The following LOC122539214 variants were observed in gnomAD, a reference collection of about 807,000 sequenced individuals.
chr19:52,657,846 T>TAA, the LOC122539214 span, among the ~76,000 whole-genome samples: 1 of 139,234 alleles, frequency 7.2e-6, no homozygotes. Context: ...AAACTCTGTC[T>TAA]AAAAAAAAAA....
chr19:52,684,134 C>A, the LOC122539214 span, among the ~76,000 whole-genome samples: 1 of 152,060 alleles, frequency 6.6e-6, no homozygotes, highest in East Asian at 1.9e-4. Flanking sequence ...TCTGGGAGGC[C>A]GAGGCTGGTG....
At chr19:52,663,043 G>A in the LOC122539214 span, among the ~76,000 whole-genome samples, 1 of 152,042 alleles carries the variant, frequency 6.6e-6, no homozygotes, top group East Asian at 1.9e-4. Flanking sequence ...TGCATCTGTG[G>A]TCCCAGCTAT....
the LOC122539214 span, among the ~76,000 whole-genome samples, chr19:52,664,325 G>A: frequency 2.6e-5 from 4 of 151,940 alleles, no homozygotes; most frequent in East Asian, 3.9e-4. Flanking sequence ...GAGAAAGCCC[G>A]TCTCTATGAG....
the LOC122539214 span, among the ~76,000 whole-genome samples, chr19:52,656,763 G>T: frequency 2.0e-5 from 3 of 151,558 alleles, no homozygotes; most frequent in African/African-American, 7.3e-5. Context: ...CTACTCAGGA[G>T]GCTGAGGCAG....
chr19:52,666,280 G>C, the LOC122539214 span, among the ~76,000 whole-genome samples: 2 of 151,940 alleles, frequency 1.3e-5, no homozygotes, highest in Non-Finnish European at 1.5e-5. Flanking sequence ...AAAAGAGAGA[G>C]AGAGAGTAGT....
chr19:52,658,111 C>T, the LOC122539214 span, among the ~76,000 whole-genome samples: 3 of 146,148 alleles, frequency 2.1e-5, no homozygotes, highest in Admixed American at 2.1e-4. Context: ...ACTCCACCCT[C>T]GGCAACCAGA....
chr19:52,655,450 A>G, the LOC122539214 span: 3 of 1,000,870 alleles, frequency 3.0e-6, no homozygotes, highest in South Asian at 2.9e-5. Context: ...AAACAATGAC[A>G]TGTACATCAA....
the LOC122539214 span, among the ~76,000 whole-genome samples, chr19:52,686,332 T>C: frequency 2.6e-5 from 4 of 151,844 alleles, no homozygotes; most frequent in Non-Finnish European, 5.9e-5. Flanking sequence ...AACATATACA[T>C]GTACAGAAAG....
the LOC122539214 span, among the ~76,000 whole-genome samples, chr19:52,681,076 A>G: frequency 1.3e-5 from 2 of 151,686 alleles, no homozygotes; most frequent in Non-Finnish European, 2.9e-5. Flanking sequence ...TTTGAGGTCA[A>G]GAGTTGGAAA....
At chr19:52,679,887 AG>A in the LOC122539214 span, among the ~76,000 whole-genome samples, 1 of 152,162 alleles carries the variant, frequency 6.6e-6, no homozygotes, top group Non-Finnish European at 1.5e-5. Flanking sequence ...GTACATCAAA[AG>A]CATGTATGGG....
At chr19:52,687,660 G>GTA in the LOC122539214 span, among the ~76,000 whole-genome samples, 9 of 12,516 alleles carry the variant, frequency 7.2e-4, 2 homozygotes, top group African/African-American at 2.4e-3. Flanking sequence ...TATATATAAT[G>GTA]TATATATATA....
At chr19:52,683,226 CTCTGTGTGTGTGTGTGTG>C in the LOC122539214 span, among the ~76,000 whole-genome samples, 25 of 135,768 alleles carry the variant, frequency 1.8e-4, no homozygotes, top group South Asian at 7.5e-4. Context: ...TGCCCTGTGA[CTCTGTGTGTGTGTGTGTG>C]TGTGTGTGTG....
At chr19:52,651,963 T>G in the LOC122539214 span, 1 of 186,142 alleles carries the variant, frequency 5.4e-6, no homozygotes. Context: ...TTGACTCTAA[T>G]GTCAATTAAA....
At chr19:52,669,054 A>G in the LOC122539214 span, among the ~76,000 whole-genome samples, 1 of 151,854 alleles carries the variant, frequency 6.6e-6, no homozygotes, top group African/African-American at 2.4e-5. Context: ...ATTTTTCAAA[A>G]GTTTACCAAT....
At chr19:52,673,734 A>G in the LOC122539214 span, among the ~76,000 whole-genome samples, 7 of 151,908 alleles carry the variant, frequency 4.6e-5, no homozygotes, top group African/African-American at 1.7e-4. Flanking sequence ...AAAAAAATAA[A>G]TAAATAAAAA....
chr19:52,654,000 A>G, the LOC122539214 span: 2 of 1,509,794 alleles, frequency 1.3e-6, no homozygotes, highest in Non-Finnish European at 1.8e-6. Flanking sequence ...TTTTGAGCCT[A>G]CAAGAAATTC....
chr19:52,667,933 G>T, the LOC122539214 span, among the ~76,000 whole-genome samples: 71 of 152,088 alleles, frequency 4.7e-4, no homozygotes, highest in Non-Finnish European at 8.7e-4. Context: ...ATATAAAATG[G>T]TATTTGGCTT....
the LOC122539214 span, among the ~76,000 whole-genome samples, chr19:52,687,631 ATG>A: frequency 5.6e-4 from 6 of 10,738 alleles, 2 homozygotes; most frequent in South Asian, 0.011. Context: ...TATATATATA[ATG>A]TATATATATA....
the LOC122539214 span, chr19:52,655,524 G>A: frequency 2.8e-6 from 4 of 1,444,148 alleles, no homozygotes; most frequent in South Asian, 1.2e-5. Context: ...GATAGACAAG[G>A]GCAGATTCCT....
Sources: gnomAD v4.1 joint callset for allele counts (sites outside exome capture counted in the v4.1 genomes callset) on GRCh38, gnomAD v4.1.1 for gene constraint, MANE v1.5 for transcripts.